Variants in SRL observed in about 807,000 individuals in gnomAD.
SRL encodes sarcalumenin.
A neutral mutation model predicts 39.5 loss-of-function variants in SRL; 23 were observed. The ratio of observed to expected loss-of-function variants is 0.58; its 90% CI spans 0.42 to 0.82. The LOEUF (loss-of-function observed/expected upper bound fraction) is 0.82. SRL is among the 40% of genes least tolerant of loss of function. SRL has a pLI of 0.00. For missense variants in SRL, 592 were observed against 607.8 expected, an observed-to-expected ratio of 0.97 and a Z score of 0.27; for synonymous variants, 272 against 237.4, an observed-to-expected ratio of 1.15 and a Z score of -1.34.
chr16:4,203,867 C>T (rs1364581844), intron 2 of SRL, among the ~76,000 whole-genome samples: 1 of 152,236 alleles, frequency 6.6e-6, no homozygotes, highest in Non-Finnish European at 1.5e-5. Flanking sequence ...CAGCACCCAG[C>T]AGGCGCGCAG....
chr16:4,206,210 C>T (rs911370335), intron 1 of SRL, among the ~76,000 whole-genome samples: 1 of 152,148 alleles, frequency 6.6e-6, no homozygotes, highest in Non-Finnish European at 1.5e-5. Context: ...TTTAGGTGGG[C>T]ACTTGAGAGT....
At position 4,191,993 on chromosome 16, in the gene SRL, C is replaced by G; in HGVS notation, c.*160G>C. On this transcript the variant is annotated 3_prime_UTR_variant, in exon 6 of 6. Coordinates refer to ENST00000399609, the MANE Select transcript of SRL (RefSeq NM_001098814.2). Reference sequence around the variant, plus strand: ...CACAGTTTCCACTCTCCTCCCTAGACCCACACACCTGCCCCGACCCCTGGC... The same window carrying G: ...CACAGTTTCCACTCTCCTCCCTAGAGCCACACACCTGCCCCGACCCCTGGC... 1.3e-6 allele frequency: 1 copy of G among 744,408 alleles called. No homozygotes were observed. The highest frequency in any genetic ancestry group is 2.2e-6 in the Non-Finnish European group (1 of 459,558). The allele number at this position is 744,408 out of a possible 1,614,324, so 46.1% of individuals were successfully genotyped here.
chr16:4,192,797 G>C lies in SRL; in HGVS notation c.778C>G (p.Leu260Val). The change falls in exon 6 of 6, where the codon CTG becomes GTG. Residue 260 changes from leucine to valine, a missense_variant. Leu to Val is a conservative substitution (Grantham distance 32). Coordinates refer to ENST00000399609, the MANE Select transcript of SRL (RefSeq NM_001098814.2). This position sits in a 1 kb window ranked among gnomAD's most constrained non-coding sequence, Gnocchi z 4.0. ...IRIILNKADN[L>V]ATQMLMRVYG... ...ACCCGCATGAGCATTTGGGTGGCCA[G>C]ATTGTCAGCCTTGTTCAGGATGATC... The C allele has an allele frequency of 6.2e-7, 1 of 1,614,226 alleles. No homozygotes were observed. The highest frequency in any genetic ancestry group is 1.1e-5 in the South Asian group (1 of 91,086).
intron 1 of SRL, among the ~76,000 whole-genome samples, chr16:4,216,644 A>G (rs572616412): frequency 5.3e-5 from 8 of 152,322 alleles, no homozygotes; most frequent in African/African-American, 1.9e-4. Flanking sequence ...GTATGAGTCA[A>G]TCACTAGCAG....
Position 4,191,726 on chromosome 16 carries a change from G to A in SRL, c.*427C>T, listed in dbSNP as rs74566412. The A allele has an allele frequency of 2.0e-3, 329 of 166,104 alleles. 1 individual carries two copies. Among genetic ancestry groups the A allele is most frequent in the African/African-American group, 7.5e-3 (316 of 41,972 alleles). 10.3% of individuals were successfully genotyped at this position (166,104 alleles called of 1,614,324 possible). ...GGGGAACAAACGCGAGACTGTGGGT[G>A]TGGAAAGAAGCCAAAATGGACCTGA... On this transcript the variant is annotated 3_prime_UTR_variant, in exon 6 of 6. Transcript: ENST00000399609.
In SRL at chr16:4,192,920, C is replaced by A; in HGVS notation, c.655G>T (p.Asp219Tyr). 6.2e-7 allele frequency: 1 copy of A among 1,613,894 alleles called. No homozygotes were observed. The highest frequency in any genetic ancestry group is 1.1e-5 in the South Asian group (1 of 91,052). ...DVCQWFIDRA[D>Y]LIFVVFDPTK... ...GGGTCAAAGACGACAAAGATGAGGT[C>A]AGCTCTGTCGATGAACCACTGGCAC... The change falls in exon 6 of 6, where the codon GAC (aspartate) becomes TAC (tyrosine). Residue 219 changes from aspartate to tyrosine, a missense_variant. Coordinates refer to ENST00000399609, the MANE Select transcript of SRL (RefSeq NM_001098814.2). The surrounding 1 kb of genome is among the most constrained non-coding windows in gnomAD (Gnocchi z 4.0).
intron 1 of SRL, among the ~76,000 whole-genome samples, chr16:4,223,124 C>T (rs1254390024): frequency 6.7e-6 from 1 of 148,448 alleles, no homozygotes; most frequent in Admixed American, 6.8e-5. Context: ...CCCAGCTACT[C>T]GGGAGGCTGA....
rs762289665 is a variant in SRL at position 4,197,899 on chromosome 16, G to A, written c.276C>T (p.Ser92=). ...QHEITDGEIT[S]KPMVLFLGPW... ...GTCCCAGGAACAGTACCATGGGCTT[G>A]GAGGTAATCTCTCCATCTGTGGGCA... The change falls in exon 4 of 6, where the codon TCC becomes TCT. Residue 92 remains serine (S), a synonymous_variant. Transcript: ENST00000399609. 2.5e-6 allele frequency: 4 copies of A among 1,612,792 alleles called. No individual in the cohort carries two copies. Among genetic ancestry groups the A allele is most frequent in the Non-Finnish European group, 3.4e-6 (4 of 1,178,864 alleles).
chr16:4,225,215 A>G (rs1448200137), intron 1 of SRL, among the ~76,000 whole-genome samples: 1 of 152,200 alleles, frequency 6.6e-6, no homozygotes, highest in Non-Finnish European at 1.5e-5. Context: ...AATATACTAA[A>G]AACTACTGAA....
At chr16:4,219,560 T>A (rs1055417430) in intron 1 of SRL, among the ~76,000 whole-genome samples, 5 of 152,186 alleles carry the variant, frequency 3.3e-5, no homozygotes, top group Non-Finnish European at 7.4e-5. Flanking sequence ...TTCAAGCCAC[T>A]GATTCTCCTG....
chr16:4,228,383 C>T (rs1348092323), intron 1 of SRL, among the ~76,000 whole-genome samples: 2 of 151,834 alleles, frequency 1.3e-5, no homozygotes, highest in Admixed American at 1.3e-4. Flanking sequence ...TTGCAGTGAG[C>T]CGAGATTGCA....
chr16:4,201,508 C>T (rs2052229813), intron 3 of SRL, among the ~76,000 whole-genome samples: 1 of 140,036 alleles, frequency 7.1e-6, no homozygotes, highest in African/African-American at 2.9e-5. Flanking sequence ...AACTCCTGGC[C>T]TCAAGGGATC....
chr16:4,227,427 G>A (rs2052605752), intron 1 of SRL, among the ~76,000 whole-genome samples: 1 of 151,956 alleles, frequency 6.6e-6, no homozygotes, highest in African/African-American at 2.4e-5. Flanking sequence ...ACTGATGGAT[G>A]GAAGGATGGA....
chr16:4,203,490 G>A (rs1177406455), intron 2 of SRL, among the ~76,000 whole-genome samples: 1 of 152,148 alleles, frequency 6.6e-6, no homozygotes, highest in Non-Finnish European at 1.5e-5. Flanking sequence ...CACCCCCAAA[G>A]CTTCCTGAAC....
chr16:4,204,423 T>C (rs1358430360), intron 2 of SRL, 110 bp downstream of exon 2: 6 of 1,004,166 alleles, frequency 6.0e-6, no homozygotes, highest in Non-Finnish European at 9.2e-6. Context: ...AGCCCCGGCC[T>C]CCAAGATACA....
intron 1 of SRL, among the ~76,000 whole-genome samples, chr16:4,239,989 G>A (rs1012550895): frequency 1.3e-5 from 2 of 152,180 alleles, no homozygotes; most frequent in Non-Finnish European, 2.9e-5. Flanking sequence ...GGGCACGGGC[G>A]ACGGGTGGTT....
intron 2 of SRL, among the ~76,000 whole-genome samples, chr16:4,203,606 C>CT (rs1235262684): frequency 6.6e-6 from 1 of 152,206 alleles, no homozygotes; most frequent in Non-Finnish European, 1.5e-5. Flanking sequence ...ACTGCAGCCT[C>CT]TAACTCCTGG....
intron 1 of SRL, among the ~76,000 whole-genome samples, chr16:4,226,068 C>G (rs936268116): frequency 6.6e-6 from 1 of 152,170 alleles, no homozygotes; most frequent in African/African-American, 2.4e-5. Flanking sequence ...CCTTCCTCTT[C>G]TAAGTCTGCT....
intron 2 of SRL, among the ~76,000 whole-genome samples, chr16:4,203,628 C>A (rs1835732412): frequency 6.6e-6 from 1 of 152,250 alleles, no homozygotes; most frequent in Admixed American, 6.5e-5. Context: ...CTCAAGTGAT[C>A]CACCCACCTC....
Sources: gnomAD v4.1 joint callset for allele counts (sites outside exome capture counted in the v4.1 genomes callset) on GRCh38, gnomAD v4.1.1 for gene constraint, Gnocchi (gnomAD v3.1) non-coding constraint, MANE v1.5 for transcripts, NCBI Gene and HGNC (gene_info 2026-07-23, HGNC 2026-07-21) for gene names.